MYH9: variants seen among roughly 807,000 people sequenced by gnomAD.
MYH9 encodes the protein myosin-9.
Under a neutral mutation model 241.9 loss-of-function variants are expected in MYH9, and 29 were observed. The observed-to-expected ratio is 0.12, with a 90% CI of 0.09 to 0.16. MYH9 has a LOEUF of 0.16. Ranked by LOEUF, MYH9 falls within the 10% of genes least tolerant of loss-of-function variation. The pLI is 1.00. For synonymous variants in MYH9, 1,047 were observed against 1,062.6 expected (o/e 0.99, Z 0.29); for missense variants, 1,803 against 2,595.5 (o/e 0.69, Z 6.63).
chr22:36,369,486 G>C (rs985248452), intron 1 of MYH9, among the ~76,000 whole-genome samples: 3 of 152,218 alleles, frequency 2.0e-5, no homozygotes, highest in African/African-American at 7.2e-5. Flanking sequence ...AGGTACGAGG[G>C]GGCGGTATCC....
intron 2 of MYH9, among the ~76,000 whole-genome samples, chr22:36,345,389 G>T (rs1317178465): frequency 6.6e-6 from 1 of 151,246 alleles, no homozygotes; most frequent in African/African-American, 2.4e-5. Flanking sequence ...ATGTCTCATG[G>T]CCAGTAAGGG....
intron 2 of MYH9, among the ~76,000 whole-genome samples, chr22:36,347,310 G>A (rs1014632162): frequency 4.6e-5 from 7 of 151,660 alleles, no homozygotes; most frequent in Non-Finnish European, 1.0e-4. Flanking sequence ...ACTTCCCCTT[G>A]GTCAAGCCTG....
intron 2 of MYH9, among the ~76,000 whole-genome samples, chr22:36,347,974 T>C (rs1425585167): frequency 6.6e-6 from 1 of 151,152 alleles, no homozygotes; most frequent in Non-Finnish European, 1.5e-5. Context: ...GCAAAAAGCT[T>C]ATTGGAAAGA....
chr22:36,318,156 A>AG (rs1254527660), intron 11 of MYH9, 51 bp downstream of exon 11: 1 of 1,494,046 alleles, frequency 6.7e-7, no homozygotes, highest in East Asian at 2.3e-5. Flanking sequence ...GTGCTGCTGC[A>AG]GGGACATTCA....
At chr22:36,337,471 T>C (rs1328372476) in intron 3 of MYH9, among the ~76,000 whole-genome samples, 1 of 152,182 alleles carries the variant, frequency 6.6e-6, no homozygotes, top group Admixed American at 6.5e-5. Flanking sequence ...AAATCAGGAC[T>C]GTACAGGCAA....
chr22:36,301,027 G>C lies in MYH9; in HGVS notation c.2662C>G (p.Gln888Glu), dbSNP rs745736187. Residue 888 changes from glutamine (Q) to glutamate (E), a missense_variant, in exon 22 of 41, where the codon CAG becomes GAG. Coordinates refer to ENST00000216181, the MANE Select transcript of MYH9 (RefSeq NM_002473.6). ...CACAGCTCGGTTTCTGCCTGGAGCT[G>C]CTCCTGCAGCTGCAATTTCTCTGCC... ...LMAEKLQLQE[Q>E]LQAETELCAE... The C allele has an allele frequency of 1.9e-6, 3 of 1,610,974 alleles. No homozygotes were observed. In the East Asian group the frequency reaches 6.7e-5, roughly 36 times the overall value.
At chr22:36,384,569 C>A in intron 1 of MYH9, among the ~76,000 whole-genome samples, 2 of 83,252 alleles carry the variant, frequency 2.4e-5, no homozygotes, top group Admixed American at 2.0e-4. Flanking sequence ...GGCGACAGAG[C>A]AAGACTCTGT....
At chr22:36,298,668 C>T (rs1431937497) in intron 24 of MYH9, among the ~76,000 whole-genome samples, 1 of 152,176 alleles carries the variant, frequency 6.6e-6, no homozygotes, top group Non-Finnish European at 1.5e-5. Flanking sequence ...TCTAAACACG[C>T]TTCATGCAGT....
chr22:36,373,008 A>T (rs763481943), intron 1 of MYH9, among the ~76,000 whole-genome samples: 3 of 152,004 alleles, frequency 2.0e-5, no homozygotes, highest in Non-Finnish European at 4.4e-5. Flanking sequence ...TAGCCCCTTG[A>T]CCACCCATCT....
chr22:36,315,149 A>C (rs902842703), intron 12 of MYH9, among the ~76,000 whole-genome samples: 6 of 152,170 alleles, frequency 3.9e-5, no homozygotes, highest in Non-Finnish European at 8.8e-5. Context: ...TGAGGTAGCG[A>C]TGCATAAATG....
At chr22:36,353,577 C>G (rs1444178009) in intron 1 of MYH9, among the ~76,000 whole-genome samples, 1 of 152,166 alleles carries the variant, frequency 6.6e-6, no homozygotes, top group Non-Finnish European at 1.5e-5. Flanking sequence ...TGGTCTTGAA[C>G]TCTTGACCTC....
At chr22:36,357,433 C>T (rs1361983456) in intron 1 of MYH9, among the ~76,000 whole-genome samples, 1 of 152,164 alleles carries the variant, frequency 6.6e-6, no homozygotes, top group Non-Finnish European at 1.5e-5. Flanking sequence ...TGTGGTGGGG[C>T]TGTCCTGTGC....
chr22:36,352,497 C>T (rs1468833507), intron 1 of MYH9, among the ~76,000 whole-genome samples: 2 of 152,190 alleles, frequency 1.3e-5, no homozygotes, highest in African/African-American at 4.8e-5. Flanking sequence ...CCCATGGGCA[C>T]CCTCAGGCTG....
rs2016572846 is a variant in MYH9, at chr22:36,285,915, C to G, written c.5100G>C (p.Gln1700His). Residue 1700 changes from glutamine (Q) to histidine (H), a missense_variant, in exon 36 of 41, where the codon CAG (glutamine) becomes CAC (histidine). Gln to His is a conservative substitution (Grantham distance 24). Around this residue, in one of 11 missense-constraint regions of MYH9, gnomAD observed 876 missense variants for 1,077.8 expected, o/e 0.81. Transcript: ENST00000216181. This position sits in a 1 kb window ranked among gnomAD's most constrained non-coding sequence, Gnocchi z 7.0. ...CGTCAGCCAGCTCATCCCGCTCCTG[C>G]TGGGCCTGGCGCTTGGCACGCTCCG... ...AAAERAKRQAQQERDELADEI... is the reference protein window; with the variant it reads ...AAAERAKRQAHQERDELADEI... The G allele has an allele frequency of 6.2e-7, 1 of 1,612,870 alleles. No individual in the cohort carries two copies. Among genetic ancestry groups the G allele is most frequent in the Non-Finnish European group, 8.5e-7 (1 of 1,180,004 alleles).
intron 11 of MYH9, among the ~76,000 whole-genome samples, chr22:36,317,664 GGA>G (rs1159394507): frequency 1.4e-4 from 21 of 152,236 alleles, no homozygotes; most frequent in Admixed American, 1.4e-3. Flanking sequence ...TAGAAACCCC[GGA>G]GAGAGGCAGA....
At chr22:36,290,989 G>C (rs952337307) in intron 31 of MYH9, among the ~76,000 whole-genome samples, 1 of 150,598 alleles carries the variant, frequency 6.6e-6, no homozygotes, top group African/African-American at 2.5e-5. Flanking sequence ...CCCTCCGCCC[G>C]GCGGCCACCC....
At chr22:36,286,892 C>T (rs1226971595) in intron 34 of MYH9, 46 bp from the exon 35 acceptor site, 16 of 1,600,634 alleles carry the variant, frequency 1.0e-5, no homozygotes, top group African/African-American at 2.7e-5. Context: ...CTCCTTGGCC[C>T]TCCACCCCAA....
intron 2 of MYH9, among the ~76,000 whole-genome samples, chr22:36,341,812 C>T (rs1185719993): frequency 6.6e-6 from 1 of 152,168 alleles, no homozygotes; most frequent in African/African-American, 2.4e-5. Context: ...AGGCAAGGTC[C>T]GCGGCCAAGC....
intron 3 of MYH9, among the ~76,000 whole-genome samples, chr22:36,334,106 T>C (rs1603483713): frequency 6.7e-6 from 1 of 150,012 alleles, no homozygotes; most frequent in African/African-American, 2.4e-5. Flanking sequence ...AAAAAAAAAG[T>C]AAGCCTAACG....
Sources: allele counts gnomAD v4.1 joint callset (sites outside exome capture counted in the v4.1 genomes callset), GRCh38; gene constraint gnomAD v4.1.1; regional missense constraint gnomAD v4.1.1; non-coding constraint Gnocchi (gnomAD v3.1); transcripts MANE v1.5; gene names NCBI Gene and HGNC (gene_info 2026-07-23, HGNC 2026-07-21).